COMMD1: variants seen among roughly 807,000 people sequenced by gnomAD.
COMMD1 encodes COMM domain-containing protein 1.
In COMMD1, 10 loss-of-function variants were observed where a neutral mutation model predicts 17.2. The observed-to-expected ratio is 0.58, with a 90% CI of 0.36 to 0.99. The LOEUF (loss-of-function observed/expected upper bound fraction) is 0.99, where lower values mean the gene tolerates loss of function less well. Ranked by LOEUF, COMMD1 falls within the 50% of genes least tolerant of loss-of-function variation. The pLI is 0.01. For missense variants in COMMD1, 270 were observed against 231.8 expected (o/e 1.17, Z -1.07); for synonymous variants, 97 against 91.6 (o/e 1.06, Z -0.34).
intron 2 of COMMD1, among the ~76,000 whole-genome samples, chr2:62,001,551 G>A (rs978867309): frequency 6.6e-6 from 1 of 152,054 alleles, no homozygotes; most frequent in Non-Finnish European, 1.5e-5. Flanking sequence ...TGTCTATATG[G>A]TTTTTCTTGA....
intron 2 of COMMD1, among the ~76,000 whole-genome samples, chr2:62,129,525 A>G (rs1672968999): frequency 6.6e-6 from 1 of 152,222 alleles, no homozygotes; most frequent in Non-Finnish European, 1.5e-5. Context: ...GTAAAGGAGC[A>G]GTATCAATGA....
chr2:61,905,968 C>G (rs532042101), intron 1 of COMMD1, 110 bp downstream of exon 1: 228 of 1,048,384 alleles, frequency 2.2e-4, no homozygotes, highest in Non-Finnish European at 3.2e-4. Flanking sequence ...AGGCTTTTCC[C>G]TCTCAGACCT....
chr2:62,086,963 A>G (rs546883755), intron 2 of COMMD1, among the ~76,000 whole-genome samples: 113 of 151,932 alleles, frequency 7.4e-4, no homozygotes, highest in African/African-American at 2.6e-3. Context: ...AGCTGGGATT[A>G]CAAGCATGTG....
At chr2:61,938,621 G>A (rs551205848) in intron 1 of COMMD1, among the ~76,000 whole-genome samples, 1 of 152,166 alleles carries the variant, frequency 6.6e-6, no homozygotes, top group Admixed American at 6.5e-5. Flanking sequence ...TCTGGAACTT[G>A]CCTTGGTCTC....
chr2:61,897,182 A>C (rs1669567120), intron 1 of COMMD1, among the ~76,000 whole-genome samples: 1 of 152,186 alleles, frequency 6.6e-6, no homozygotes, highest in Non-Finnish European at 1.5e-5. Flanking sequence ...AAAAATCTGT[A>C]TTAAAAAACC....
At chr2:61,929,372 C>G (rs958828236) in intron 1 of COMMD1, among the ~76,000 whole-genome samples, 1 of 152,180 alleles carries the variant, frequency 6.6e-6, no homozygotes, top group African/African-American at 2.4e-5. Context: ...ATCTTGCTAT[C>G]TGCAACTTTC....
At chr2:62,041,266 A>G in intron 2 of COMMD1, among the ~76,000 whole-genome samples, 1 of 152,216 alleles carries the variant, frequency 6.6e-6, no homozygotes. Flanking sequence ...TCTAGATTAA[A>G]AATCATGAAT....
chr2:62,006,232 A>G (rs536617838), intron 2 of COMMD1, among the ~76,000 whole-genome samples: 55 of 150,282 alleles, frequency 3.7e-4, no homozygotes, highest in Non-Finnish European at 5.9e-4. Context: ...GCATTAGGAG[A>G]TATACCTAAT....
At chr2:61,967,636 A>T (rs1671538875) in intron 1 of COMMD1, among the ~76,000 whole-genome samples, 1 of 152,240 alleles carries the variant, frequency 6.6e-6, no homozygotes, top group Admixed American at 6.5e-5. Flanking sequence ...ACAGACTATA[A>T]GCTGATAATA....
chr2:62,129,762 T>A (rs1208910320), intron 2 of COMMD1, among the ~76,000 whole-genome samples: 1 of 152,128 alleles, frequency 6.6e-6, no homozygotes, highest in Non-Finnish European at 1.5e-5. Flanking sequence ...CTCCCCTCCT[T>A]CCGCTGTGGT....
chr2:62,100,190 G>A (rs888067839), intron 2 of COMMD1: 1 of 152,074 alleles, frequency 6.6e-6, no homozygotes, highest in East Asian at 1.9e-4. Flanking sequence ...GGACTTACCA[G>A]TTTCACCAGA....
intron 1 of COMMD1, among the ~76,000 whole-genome samples, chr2:61,910,821 C>T (rs753037314): frequency 3.9e-5 from 6 of 152,178 alleles, no homozygotes; most frequent in Non-Finnish European, 5.9e-5. Context: ...CCACGGCTCA[C>T]GCCTGTCATC....
chr2:61,902,481 G>C (rs569151669), upstream of COMMD1, among the ~76,000 whole-genome samples: 104 of 151,848 alleles, frequency 6.8e-4, no homozygotes, highest in African/African-American at 2.3e-3. Context: ...ACTCCATCCA[G>C]CCTGGGCGAC....
intron 2 of COMMD1, among the ~76,000 whole-genome samples, chr2:62,053,171 C>T (rs1475257214): frequency 6.6e-6 from 1 of 152,058 alleles, no homozygotes; most frequent in East Asian, 1.9e-4. Context: ...AAATGTGAGT[C>T]ACAAAATAAT....
chr2:61,942,853 C>T (rs530959201), intron 1 of COMMD1, among the ~76,000 whole-genome samples: 1 of 152,204 alleles, frequency 6.6e-6, no homozygotes, highest in East Asian at 1.9e-4. Context: ...TTTATGAGTA[C>T]TCTTTACCTG....
chr2:62,064,641 A>G (rs1670974758), intron 2 of COMMD1, among the ~76,000 whole-genome samples: 3 of 152,186 alleles, frequency 2.0e-5, no homozygotes. Context: ...TCTGGCTTGT[A>G]TAGCCCTCAG....
intron 1 of COMMD1, among the ~76,000 whole-genome samples, chr2:61,914,877 A>T (rs919837574): frequency 6.6e-6 from 1 of 151,280 alleles, no homozygotes; most frequent in African/African-American, 2.4e-5. Flanking sequence ...TTTTGTTGAG[A>T]CAGGGTTTCA....
At chr2:61,932,273 T>C (rs1670485641) in intron 1 of COMMD1, among the ~76,000 whole-genome samples, 1 of 152,242 alleles carries the variant, frequency 6.6e-6, no homozygotes, top group Non-Finnish European at 1.5e-5. Context: ...ATAAATCCAG[T>C]ACTTCCATTC....
At chr2:62,115,340 T>A (rs188497313) in intron 2 of COMMD1, among the ~76,000 whole-genome samples, 1 of 152,236 alleles carries the variant, frequency 6.6e-6, no homozygotes. Flanking sequence ...ATTTTTAAGA[T>A]CATTAAATTT....
Sources: allele counts gnomAD v4.1 joint callset (sites outside exome capture counted in the v4.1 genomes callset), GRCh38; gene constraint gnomAD v4.1.1; transcripts MANE v1.5; gene names NCBI Gene and HGNC (gene_info 2026-07-23, HGNC 2026-07-21).